EIF4G3: variants seen among roughly 807,000 people sequenced by gnomAD.
The protein encoded by EIF4G3 is eIF-4-gamma 3.
A neutral mutation model predicts 186.4 loss-of-function variants in EIF4G3; 34 were observed. The ratio of observed to expected loss-of-function variants is 0.18; its 90% CI spans 0.14 to 0.24. The LOEUF (loss-of-function observed/expected upper bound fraction) is 0.24. Among genes scored for constraint, EIF4G3 ranks in the 10% least tolerant of loss-of-function variants. EIF4G3 has a pLI of 1.00. For synonymous variants in EIF4G3, 673 were observed against 679.5 expected (o/e 0.99, Z 0.15); for missense variants, 1,536 against 1,948.5 (o/e 0.79, Z 3.99).
rs979201746 is a variant in EIF4G3, at chr1:20,961,989, A to G, written c.714+7485T>C. The stretch of plus-strand genomic sequence containing the variant: ...GACTGAGATGACAAAATGAAATTTT[A>G]AAAGATTGGATTTGTTTACATTATA... On this transcript the variant is annotated intron_variant, in intron 12 of 36. Coordinates refer to ENST00000602326, the MANE Select transcript of EIF4G3 (RefSeq NM_001391906.1). 6.6e-5 allele frequency among the ~76,000 whole-genome samples: 10 copies of G among 152,222 alleles called. 1 individual carries two copies. Among genetic ancestry groups the G allele is most frequent in the Admixed American group, 5.9e-4 (9 of 15,288 alleles).
intron 19 of EIF4G3, among the ~76,000 whole-genome samples, chr1:20,879,989 C>CAGG (rs2081881414): frequency 6.6e-6 from 1 of 150,518 alleles, no homozygotes; most frequent in African/African-American, 2.4e-5. Flanking sequence ...AAACACTAGG[C>CAGG]AGGAGTCTTT....
chr1:21,136,440 C>G (rs1312537022), intron 2 of EIF4G3, among the ~76,000 whole-genome samples: 1 of 151,940 alleles, frequency 6.6e-6, no homozygotes, highest in Non-Finnish European at 1.5e-5. Context: ...TTGCTTTAAC[C>G]TGGGAGGCGG....
intron 30 of EIF4G3, among the ~76,000 whole-genome samples, chr1:20,838,685 C>T (rs1275560484): frequency 6.7e-6 from 1 of 150,298 alleles, no homozygotes; most frequent in Non-Finnish European, 1.5e-5. Context: ...TGAAAGAAAA[C>T]TTTTTTTTTT....
At chr1:20,882,176 T>TACACACAC (rs138208807) in intron 19 of EIF4G3, among the ~76,000 whole-genome samples, 10,034 of 86,782 alleles carry the variant, frequency 0.12, 451 homozygotes, top group East Asian at 0.25. Flanking sequence ...AAAGAAAAAT[T>TACACACAC]ACACACACAC....
intron 2 of EIF4G3, among the ~76,000 whole-genome samples, chr1:21,118,615 G>A (rs2096870379): frequency 6.6e-6 from 1 of 151,810 alleles, no homozygotes; most frequent in South Asian, 2.1e-4. Context: ...GTGAAACCCC[G>A]TCTCTACTAA....
In EIF4G3 at chr1:20,827,691, T is replaced by A; in HGVS notation, c.4195A>T (p.Ser1399Cys). The stretch of plus-strand genomic sequence containing the variant: ...CTTCCAACAGGAAGTAAAGGTTTGC[T>A]AAATTCTCTGTAAAAGATAGGAGCA... ...ISMRELTIEF[S>C]KPLLPVGRAG... Residue 1399 changes from serine (S) to cysteine (C), a missense_variant, in exon 32 of 37, where the codon AGC becomes TGC. Ser to Cys is a moderately radical substitution (Grantham distance 112). Coordinates refer to ENST00000602326, the MANE Select transcript of EIF4G3 (RefSeq NM_001391906.1). 6.2e-7 allele frequency: 1 copy of A among 1,609,160 alleles called. No individual in the cohort carries two copies. The highest frequency in any genetic ancestry group is 8.5e-7 in the Non-Finnish European group (1 of 1,175,848).
At chr1:20,881,313 C>T (rs757224934) in intron 19 of EIF4G3, among the ~76,000 whole-genome samples, 31 of 152,298 alleles carry the variant, frequency 2.0e-4, no homozygotes, top group Non-Finnish European at 3.7e-4. Flanking sequence ...TTATCTTGCA[C>T]CTTGTACAAA....
chr1:20,958,997 T>C (rs1373509932), intron 12 of EIF4G3, among the ~76,000 whole-genome samples: 3 of 152,078 alleles, frequency 2.0e-5, no homozygotes. Context: ...ACAGATTCAA[T>C]GTAATTCTCA....
intron 11 of EIF4G3, among the ~76,000 whole-genome samples, chr1:20,971,548 G>A (rs1167457465): frequency 1.3e-5 from 2 of 152,152 alleles, no homozygotes; most frequent in Non-Finnish European, 2.9e-5. Flanking sequence ...ATGATACATT[G>A]TCATGTCCTG....
intron 2 of EIF4G3, among the ~76,000 whole-genome samples, chr1:21,093,443 A>T (rs1379803440): frequency 1.3e-5 from 2 of 152,356 alleles, no homozygotes; most frequent in East Asian, 3.9e-4. Flanking sequence ...TTAAAAAGTC[A>T]GGAAATAACA....
chr1:20,974,871 C>T (rs1385814900), intron 10 of EIF4G3, among the ~76,000 whole-genome samples: 3 of 152,064 alleles, frequency 2.0e-5, no homozygotes, highest in African/African-American at 7.2e-5. Context: ...ATAATTGATT[C>T]ACCGTAACAA....
chr1:21,034,416 A>C (rs2093008994), intron 4 of EIF4G3, among the ~76,000 whole-genome samples: 1 of 152,194 alleles, frequency 6.6e-6, no homozygotes, highest in Non-Finnish European at 1.5e-5. Flanking sequence ...GTTACTTCAA[A>C]AACAGATATT....
intron 33 of EIF4G3, among the ~76,000 whole-genome samples, chr1:20,822,123 G>T (rs184565291): frequency 1.3e-5 from 2 of 152,006 alleles, no homozygotes; most frequent in Non-Finnish European, 2.9e-5. Flanking sequence ...TGATCCGCCC[G>T]CCTCGGCCTC....
intron 3 of EIF4G3, among the ~76,000 whole-genome samples, chr1:21,060,102 C>G (rs2154578402): frequency 6.6e-6 from 1 of 152,362 alleles, no homozygotes; most frequent in African/African-American, 2.4e-5. Context: ...CAGGCATGCA[C>G]TACCATGCCC....
Position 20,969,585 on chromosome 1 carries a change from C to A in EIF4G3, c.603G>T (p.Arg201=). 4 of 1,613,408 alleles carry A rather than the reference C, an allele frequency of 2.5e-6. No homozygotes were observed. In the South Asian group the frequency reaches 4.4e-5, roughly 18 times the overall value. ...TGTCTTTACCTCCCTGGTTTGGATCCCGAATTCTTATCTATAAGGTTAAAT... is the reference window on the plus strand; with the variant it reads ...TGTCTTTACCTCCCTGGTTTGGATCACGAATTCTTATCTATAAGGTTAAAT... The part of the protein sequence containing the change: ...AKREKKTIRI[R]DPNQGGKDIT... The change falls in exon 12 of 37, where the codon CGG becomes CGT. Residue 201 remains arginine (R), a synonymous_variant. Transcript: ENST00000602326.
intron 3 of EIF4G3, among the ~76,000 whole-genome samples, chr1:21,067,424 C>T (rs1441897519): frequency 1.3e-5 from 2 of 151,926 alleles, no homozygotes; most frequent in South Asian, 2.1e-4. Flanking sequence ...TGAGCCACCA[C>T]GTCTGGCTTT....
chr1:20,923,899 G>A (rs905996327), intron 14 of EIF4G3, among the ~76,000 whole-genome samples: 19 of 151,576 alleles, frequency 1.3e-4, no homozygotes, highest in Non-Finnish European at 1.9e-4. Flanking sequence ...ATTCATCTCT[G>A]TGGTGCTAGA....
chr1:21,027,790 C>T (rs1036854666), intron 4 of EIF4G3, among the ~76,000 whole-genome samples: 11 of 152,076 alleles, frequency 7.2e-5, no homozygotes, highest in African/African-American at 2.7e-4. Flanking sequence ...TCCAAGTATC[C>T]ACTCTAAATA....
intron 33 of EIF4G3, among the ~76,000 whole-genome samples, chr1:20,819,417 T>C (rs1219967215): frequency 6.6e-6 from 1 of 150,724 alleles, no homozygotes; most frequent in Admixed American, 6.6e-5. Context: ...TCCGATTGCT[T>C]TTTTTTTCTT....
Sources: allele counts gnomAD v4.1 joint callset (sites outside exome capture counted in the v4.1 genomes callset), GRCh38; gene constraint gnomAD v4.1.1; transcripts MANE v1.5; gene names NCBI Gene and HGNC (gene_info 2026-07-23, HGNC 2026-07-21).